Variants in RNF20 observed in about 807,000 individuals in gnomAD.
The protein encoded by RNF20 is E3 ubiquitin-protein ligase BRE1A.
In RNF20, 84 loss-of-function variants were observed where a neutral mutation model predicts 126.2. The observed-to-expected ratio is 0.67, with a 90% confidence interval of 0.56 to 0.80. The LOEUF (loss-of-function observed/expected upper bound fraction) is 0.80. RNF20 is among the 30% of genes least tolerant of loss of function. The pLI is 0.00. For synonymous variants in RNF20, 400 were observed against 414.3 expected, an observed-to-expected ratio of 0.97 and a Z score of 0.42; for missense variants, 869 against 1,188.2, an observed-to-expected ratio of 0.73 and a Z score of 3.95.
chr9:101,563,125 T>C lies in RNF20; in HGVS notation c.*703T>C, dbSNP rs1471399568. On this transcript the variant is annotated 3_prime_UTR_variant, in exon 20 of 20. Coordinates refer to ENST00000389120, the MANE Select transcript of RNF20 (RefSeq NM_019592.7). ...AATAATATGACCCTTTGTCTTCTAATGAAATAAAGATTGAAGAGGTTGAGT... is the reference window on the plus strand; with the variant it reads ...AATAATATGACCCTTTGTCTTCTAACGAAATAAAGATTGAAGAGGTTGAGT... The C allele has an allele frequency of 6.6e-6, 1 of 152,572 alleles. No individual in the cohort carries two copies. The highest frequency in any genetic ancestry group is 1.5e-5 in the Non-Finnish European group (1 of 68,040). The allele number at this position is 152,572 out of a possible 1,614,324, so 9.5% of individuals were successfully genotyped here. A position where few individuals can be genotyped will look rare whatever the true frequency, so the allele number is the denominator to read the frequency against.
chr9:101,540,208 A>G lies in RNF20; in HGVS notation c.135A>G (p.Glu45=), dbSNP rs1449385760. ...IKLGGVSSTE[E]LDIRTLQTKN... ...ACGATTGGTTTACTGGGCAGGAGGA[A>G]CTAGACATTAGAACACTGCAAACCA... Residue 45 remains glutamate (E), a synonymous_variant, in exon 3 of 20, where the codon GAA becomes GAG. Coordinates refer to ENST00000389120, the MANE Select transcript of RNF20 (RefSeq NM_019592.7). 1.2e-6 allele frequency: 2 copies of G among 1,614,052 alleles called. No homozygotes were observed. Among genetic ancestry groups the G allele is most frequent in the Non-Finnish European group, 1.7e-6 (2 of 1,179,926 alleles).
chr9:101,542,817 G>T (rs989257928), intron 5 of RNF20, among the ~76,000 whole-genome samples: 8 of 152,092 alleles, frequency 5.3e-5, no homozygotes, highest in Non-Finnish European at 1.0e-4. Flanking sequence ...TTTTAAGGTC[G>T]GGTTTAAGTT....
intron 2 of RNF20, among the ~76,000 whole-genome samples, chr9:101,536,130 T>G (rs140413623): frequency 1.4e-3 from 213 of 152,336 alleles, no homozygotes; most frequent in Middle Eastern, 0.01. Context: ...ATGGGAGGCA[T>G]TCATAGCTAA....
At position 101,540,809 on chromosome 9, in the gene RNF20, A is replaced by G; in HGVS notation, c.462A>G (p.Pro154=). Reference sequence around the variant, plus strand: ...TGTCCTCAGGGGAAGGGCAAGAGCCAGCTTTCTCTTTCCTTGCTACTTTGG... The same window carrying G: ...TGTCCTCAGGGGAAGGGCAAGAGCCGGCTTTCTCTTTCCTTGCTACTTTGG... The part of the protein sequence containing the change: ...DDRERGEGQE[P]AFSFLATLAS... The change falls in exon 5 of 20, where the codon CCA becomes CCG. Residue 154 remains proline, a synonymous_variant. Coordinates refer to ENST00000389120, the MANE Select transcript of RNF20 (RefSeq NM_019592.7). 1 of 1,613,774 alleles carries G rather than the reference A, an allele frequency of 6.2e-7. No homozygotes were observed. The highest frequency in any genetic ancestry group is 1.1e-5 in the South Asian group (1 of 91,048).
Position 101,544,827 on chromosome 9 carries a change from T to C in RNF20, c.689T>C (p.Met230Thr), listed in dbSNP as rs1431736041. The C allele has an allele frequency of 6.2e-7, 1 of 1,614,006 alleles. No homozygotes were observed. Among genetic ancestry groups the C allele is most frequent in the Non-Finnish European group, 8.5e-7 (1 of 1,179,894 alleles). ...ELNSFLAQEN[M>T]RLQELTDLLQ... ...AACTCTTTCCTCGCACAGGAGAATA[T>C]GAGGCTACAGGAATTGACAGATCTT... Residue 230 changes from methionine (M) to threonine (T), a missense_variant, in exon 6 of 20, where the codon ATG becomes ACG. Physicochemically the swap from Met to Thr is moderately conservative, Grantham distance 81. This residue lies in a region of RNF20 where 103 missense variants were observed against 94.3 expected (regional missense o/e 1.09). Coordinates refer to ENST00000389120, the MANE Select transcript of RNF20 (RefSeq NM_019592.7).
At chr9:101,540,084 T>A (rs1410425399) in intron 2 of RNF20, 119 bp from the exon 3 acceptor site, 1 of 975,544 alleles carries the variant, frequency 1.0e-6, no homozygotes, top group South Asian at 1.7e-5. Flanking sequence ...TAAGATTTTT[T>A]AAAAGTCAAT....
Position 101,550,598 on chromosome 9 carries a change from C to T in RNF20, c.1093-8C>T, listed in dbSNP as rs1400995611. The T allele has an allele frequency of 1.2e-6, 2 of 1,612,516 alleles. No homozygotes were observed. Among genetic ancestry groups the T allele is most frequent in the Non-Finnish European group, 1.7e-6 (2 of 1,179,026 alleles). The stretch of plus-strand genomic sequence containing the variant: ...TCTGCTTCTGACTTTGCTTTGGGCC[C>T]TCCTAAGGTGGAATTGCGGAGTGCA... On this transcript the variant is annotated splice_region_variant and splice_polypyrimidine_tract_variant and intron_variant, in intron 9 of 19. Coordinates refer to ENST00000389120, the MANE Select transcript of RNF20 (RefSeq NM_019592.7).
chr9:101,540,206 GA>G lies in RNF20; in HGVS notation c.135del (p.Glu45AspfsTer2). 1 of 1,613,966 alleles carries G rather than the reference GA, an allele frequency of 6.2e-7. No individual in the cohort carries two copies. Among genetic ancestry groups the G allele is most frequent in the Non-Finnish European group, 8.5e-7 (1 of 1,179,896 alleles). ...IKLGGVSSTE[E>X]LDIRTLQTKN... The stretch of plus-strand genomic sequence containing the variant: ...ATACGATTGGTTTACTGGGCAGGAG[GA>G]ACTAGACATTAGAACACTGCAAACC... On this transcript the variant is annotated frameshift_variant, in exon 3 of 20. Coordinates refer to ENST00000389120, the MANE Select transcript of RNF20 (RefSeq NM_019592.7). LOFTEE classifies it high-confidence loss of function.
In RNF20 at chr9:101,540,421, C is replaced by T. The variant is rs190230535; in HGVS notation, c.297+51C>T. 70 of 1,611,222 alleles carry T rather than the reference C, an allele frequency of 4.3e-5. 1 individual carries two copies. The Admixed American group carries it at 4.5e-4, about 10-fold the overall frequency. On this transcript the variant is annotated intron_variant, in intron 3 of 19. Transcript: ENST00000389120. ...ATTTTTATTTGACCAATTTAGTTCTCCTTACTGTTCTCTTCATTTCCAAAG... is the reference window on the plus strand; with the variant it reads ...ATTTTTATTTGACCAATTTAGTTCTTCTTACTGTTCTCTTCATTTCCAAAG...
chr9:101,538,276 G>A (rs568397516), intron 2 of RNF20, among the ~76,000 whole-genome samples: 10 of 152,182 alleles, frequency 6.6e-5, no homozygotes, highest in Non-Finnish European at 1.5e-4. Context: ...GATGATTCAA[G>A]TATAGGAAAG....
At chr9:101,556,556 T>A (rs567174479) in intron 15 of RNF20, among the ~76,000 whole-genome samples, 2 of 152,176 alleles carry the variant, frequency 1.3e-5, no homozygotes, top group Admixed American at 6.6e-5. Context: ...ATAGATATGA[T>A]ATTTTAAAAA....
intron 15 of RNF20, among the ~76,000 whole-genome samples, chr9:101,555,452 C>A (rs996743566): frequency 1.3e-5 from 2 of 151,550 alleles, no homozygotes; most frequent in Admixed American, 1.3e-4. Context: ...TTTTTAAATG[C>A]CAGGGAATTT....
At chr9:101,543,117 A>T (rs1163649330) in intron 5 of RNF20, among the ~76,000 whole-genome samples, 2 of 152,162 alleles carry the variant, frequency 1.3e-5, no homozygotes, top group Non-Finnish European at 2.9e-5. Flanking sequence ...GTAATTCATT[A>T]TTTGGAGGTT....
chr9:101,537,452 T>A (rs988470663), intron 2 of RNF20, among the ~76,000 whole-genome samples: 5 of 152,204 alleles, frequency 3.3e-5, no homozygotes, highest in African/African-American at 1.2e-4. Flanking sequence ...GAGATACTTA[T>A]TTGACCTCTG....
In RNF20 at chr9:101,551,674, C is replaced by A. The variant is rs1170175182; in HGVS notation, c.1273-10C>A. On this transcript the variant is annotated splice_polypyrimidine_tract_variant and intron_variant, in intron 10 of 19. Coordinates refer to ENST00000389120, the MANE Select transcript of RNF20 (RefSeq NM_019592.7). ...AGAATTTTTTTATTGGTTCCTTTAT[C>A]TGTGTGTAGCGAGATGAGGTTAGTC... The A allele has an allele frequency of 1.8e-5, 24 of 1,333,658 alleles. No individual in the cohort carries two copies. Among genetic ancestry groups the A allele is most frequent in the Non-Finnish European group, 2.1e-5 (22 of 1,028,404 alleles). The allele number at this position is 1,333,658 out of a possible 1,614,324, so 82.6% of individuals were successfully genotyped here.
chr9:101,534,432 C>G (rs1048634759), intron 1 of RNF20: 1 of 152,170 alleles, frequency 6.6e-6, no homozygotes, highest in Non-Finnish European at 1.5e-5. Flanking sequence ...CCAGGTCTAA[C>G]TAACGTAGGG....
At chr9:101,544,633 G>A (rs537537965) in intron 5 of RNF20, 134 bp from the exon 6 acceptor site, 46 of 586,214 alleles carry the variant, frequency 7.8e-5, no homozygotes, top group Middle Eastern at 4.6e-4. Context: ...CTCGAACCCT[G>A]GAGGCAGAGG....
chr9:101,554,728 A>G lies in RNF20; in HGVS notation c.2054A>G (p.Glu685Gly). 6.2e-7 allele frequency: 1 copy of G among 1,610,280 alleles called. No homozygotes were observed. Among genetic ancestry groups the G allele is most frequent in the Non-Finnish European group, 8.5e-7 (1 of 1,177,594 alleles). Residue 685 changes from glutamate to glycine, a missense_variant, in exon 15 of 20, where the codon GAA becomes GGA. Physicochemically the swap from Glu to Gly is moderately conservative, Grantham distance 98 (BLOSUM62 -2). Coordinates refer to ENST00000389120, the MANE Select transcript of RNF20 (RefSeq NM_019592.7). ...CTAAGGCAAAGACTCAAGGATCTGG[A>G]AGATAAAGAGAAGAAAGAGAACAAG... ...EDLRQRLKDL[E>G]DKEKKENKKM...
Position 101,561,982 on chromosome 9 carries a change from A to G in RNF20, c.2722A>G (p.Ile908Val). Residue 908 changes from isoleucine to valine, a missense_variant, in exon 19 of 20, where the codon ATT becomes GTT. Coordinates refer to ENST00000389120, the MANE Select transcript of RNF20 (RefSeq NM_019592.7). The part of the protein sequence containing the change: ...KPDNVPKCDE[I>V]LMEEIKDYKA... ...AGACAATGTACCCAAGTGTGATGAGATTCTGATGGAAGAGATTAAGGATTA... is the reference window on the plus strand; with the variant it reads ...AGACAATGTACCCAAGTGTGATGAGGTTCTGATGGAAGAGATTAAGGATTA... The G allele has an allele frequency of 6.2e-7, 1 of 1,610,796 alleles. No homozygotes were observed. The highest frequency in any genetic ancestry group is 8.5e-7 in the Non-Finnish European group (1 of 1,178,980).
Sources: gnomAD v4.1 joint callset for allele counts (sites outside exome capture counted in the v4.1 genomes callset) on GRCh38, gnomAD v4.1.1 for gene constraint, gnomAD v4.1.1 regional missense constraint, MANE v1.5 for transcripts, NCBI Gene and HGNC (gene_info 2026-07-23, HGNC 2026-07-21) for gene names.